Variants in NASP observed in about 807,000 individuals in gnomAD.
NASP encodes NASP histone chaperone.
NASP carries 24 observed loss-of-function variants against 89.5 expected under a neutral mutation model. That is an observed-to-expected ratio of 0.27 (90% CI 0.19 to 0.38). The LOEUF (loss-of-function observed/expected upper bound fraction) is 0.38. NASP is among the 10% of genes least tolerant of loss of function. The pLI, the probability that NASP is intolerant of heterozygous loss-of-function variation, is 1.00. For synonymous variants in NASP, 306 were observed against 324.7 expected, an observed-to-expected ratio of 0.94 and a Z score of 0.62; for missense variants, 848 against 921.4, an observed-to-expected ratio of 0.92 and a Z score of 1.03.
At chr1:45,586,712 T>G (rs773473230) in intron 1 of NASP, among the ~76,000 whole-genome samples, 2 of 152,172 alleles carry the variant, frequency 1.3e-5, no homozygotes, top group African/African-American at 2.4e-5. Flanking sequence ...TATAAGGTCC[T>G]CATGTTTAAG....
At chr1:45,600,809 G>GACAGTTCTAGTTGCCCTACATCCCC (rs1553170852) in intron 2 of NASP, among the ~76,000 whole-genome samples, 2 of 152,156 alleles carry the variant, frequency 1.3e-5, no homozygotes, top group African/African-American at 4.8e-5. Flanking sequence ...AGCAGTGTTT[G>GACAGTTCTAGTTGCCCTACATCCCC]ACAGTTCTAG....
At chr1:45,614,429 G>C in intron 9 of NASP, 63 bp downstream of exon 9, 1 of 1,299,788 alleles carries the variant, frequency 7.7e-7, no homozygotes, top group Non-Finnish European at 1.1e-6. Flanking sequence ...TCCTCTAATA[G>C]ATTCTCTGGA....
chr1:45,607,259 A>T, intron 5 of NASP, 62 bp from the exon 6 acceptor site: 1 of 1,529,202 alleles, frequency 6.5e-7, no homozygotes, highest in Admixed American at 1.9e-5. Flanking sequence ...TTTAGTTTCC[A>T]TTTATGCCTT....
chr1:45,613,816 T>G (rs1386930169), intron 7 of NASP, among the ~76,000 whole-genome samples: 1 of 152,178 alleles, frequency 6.6e-6, no homozygotes, highest in Non-Finnish European at 1.5e-5. Flanking sequence ...GATAACTGTC[T>G]CTTGATTATG....
At chr1:45,615,260 AAC>A (rs748369135) in intron 10 of NASP, 43 bp from the exon 11 acceptor site, 5 of 1,611,720 alleles carry the variant, frequency 3.1e-6, no homozygotes, top group Non-Finnish European at 2.5e-6. Context: ...CAAGGAAGAA[AAC>A]AGTTCTTTTT....
chr1:45,599,673 C>T (rs928378873), intron 2 of NASP, among the ~76,000 whole-genome samples: 1 of 152,066 alleles, frequency 6.6e-6, no homozygotes, highest in Non-Finnish European at 1.5e-5. Flanking sequence ...GTGATCTGCC[C>T]GCCTCAGCCT....
intron 9 of NASP, 23 bp from the exon 10 acceptor site, chr1:45,614,990 G>T: frequency 6.3e-7 from 1 of 1,599,942 alleles, no homozygotes; most frequent in Middle Eastern, 1.7e-4. Flanking sequence ...CCATTTACTT[G>T]CTCTTCTTTT....
At position 45,595,126 on chromosome 1, in the gene NASP, GTT is replaced by G. The variant is rs1208590238; in HGVS notation, c.107+3859_107+3860del. On this transcript the variant is annotated intron_variant, in intron 2 of 14. Coordinates refer to ENST00000350030, the MANE Select transcript of NASP (RefSeq NM_002482.4). ...CTCCTGCCTCAGCCTGCCAGACTAA[GTT>G]TTGTGTGTGTGTGTGTGTGTGTGTG... 1.1e-3 allele frequency among the ~76,000 whole-genome samples: 145 copies of G among 129,578 alleles called. 1 individual carries two copies. Among genetic ancestry groups the G allele is most frequent in the East Asian group, 9.0e-3 (34 of 3,762 alleles). 85.0% of individuals were successfully genotyped at this position (129,578 alleles called of 152,430 possible).
intron 2 of NASP, chr1:45,600,318 A>G (rs561371595): frequency 3.2e-5 from 37 of 1,165,020 alleles, no homozygotes; most frequent in Non-Finnish European, 3.9e-5. Flanking sequence ...CACAATCAAG[A>G]TAATGAGTAT....
Position 45,584,108 on chromosome 1 carries a change from G to C in NASP, c.-39G>C. 1 of 1,554,044 alleles carries C rather than the reference G, an allele frequency of 6.4e-7. No homozygotes were observed. The highest frequency in any genetic ancestry group is 1.2e-5 in the South Asian group (1 of 84,810). On this transcript the variant is annotated 5_prime_UTR_variant, in exon 1 of 15. Coordinates refer to ENST00000350030, the MANE Select transcript of NASP (RefSeq NM_002482.4). ...CCCAAATTGCCTGTTTTTCTCGCAGGCTCTATTCCGTTCGCTGGTTCGCCA... is the reference window on the plus strand; with the variant it reads ...CCCAAATTGCCTGTTTTTCTCGCAGCCTCTATTCCGTTCGCTGGTTCGCCA...
At chr1:45,596,100 T>G (rs1643688065) in intron 2 of NASP, among the ~76,000 whole-genome samples, 3 of 152,220 alleles carry the variant, frequency 2.0e-5, no homozygotes, top group Non-Finnish European at 4.4e-5. Context: ...CTGACAGTAT[T>G]GGGTGCTAGT....
intron 7 of NASP, 72 bp downstream of exon 7, chr1:45,613,320 G>GTTA: frequency 9.3e-6 from 14 of 1,511,704 alleles, no homozygotes; most frequent in Non-Finnish European, 1.2e-5. Flanking sequence ...CACTCTTGTT[G>GTTA]CCTAGGCTGG....
At chr1:45,614,958 A>G (rs1036562966) in intron 9 of NASP, 55 bp from the exon 10 acceptor site, 1 of 1,471,716 alleles carries the variant, frequency 6.8e-7, no homozygotes. Flanking sequence ...GAATTCTGGA[A>G]GTATTTTATG....
intron 12 of NASP, 63 bp from the exon 13 acceptor site, chr1:45,616,563 T>C (rs758200418): frequency 2.8e-5 from 44 of 1,563,678 alleles, no homozygotes; most frequent in Non-Finnish European, 3.6e-5. Flanking sequence ...TAAAAAATTA[T>C]AAAAGCCTCA....
Position 45,586,283 on chromosome 1 carries a change from T to TGTGG in NASP, c.59+2079_59+2080insTGGG, listed in dbSNP as rs1557646474. Among the ~76,000 whole-genome samples, 3 of 85,332 alleles carry TGTGG rather than the reference T, an allele frequency of 3.5e-5. No individual in the cohort carries two copies. The Admixed American group carries it at 3.6e-4, about 10-fold the overall frequency. 56.0% of individuals were successfully genotyped at this position (85,332 alleles called of 152,430 possible). A position where few individuals can be genotyped will look rare whatever the true frequency, so the allele number is the denominator to read the frequency against. On this transcript the variant is annotated intron_variant, in intron 1 of 14. Transcript: ENST00000350030. ...GTGTGTGTGTGTGTGTGTGTGTGTGTGGTGTGTGTGTGTGTGTGTGTGTGT... is the reference window on the plus strand; with the variant it reads ...GTGTGTGTGTGTGTGTGTGTGTGTGTGTGGGGTGTGTGTGTGTGTGTGTGTGTGT...
At chr1:45,596,643 G>C (rs1288983993) in intron 2 of NASP, among the ~76,000 whole-genome samples, 1 of 152,186 alleles carries the variant, frequency 6.6e-6, no homozygotes, top group Non-Finnish European at 1.5e-5. Context: ...TAATGTACCA[G>C]TATGAGAAGT....
rs74227034 is a variant in NASP at position 45,606,890 on chromosome 1, G to A, written c.409+299G>A. 3.6e-3 allele frequency among the ~76,000 whole-genome samples: 544 copies of A among 152,294 alleles called. 7 individuals carry two copies. The highest frequency in any genetic ancestry group is 0.035 in the East Asian group (183 of 5,190). On this transcript the variant is annotated intron_variant, in intron 5 of 14. Transcript: ENST00000350030. Reference sequence around the variant, plus strand: ...TTTAAATACTATTACAACCTTAAGTGTTTTTCTGATGCAAATTTTTTTAAA... The same window carrying A: ...TTTAAATACTATTACAACCTTAAGTATTTTTCTGATGCAAATTTTTTTAAA...
chr1:45,599,226 TCAAA>T (rs1214093613), intron 2 of NASP, among the ~76,000 whole-genome samples: 2 of 152,136 alleles, frequency 1.3e-5, no homozygotes, highest in Middle Eastern at 3.2e-3. Flanking sequence ...ATTCCTGGGC[TCAAA>T]CAGTCTTCCT....
At chr1:45,600,340 C>CA (rs1643809746) in intron 2 of NASP, 1 of 1,240,894 alleles carries the variant, frequency 8.1e-7, no homozygotes, top group African/African-American at 1.6e-5. Flanking sequence ...TTCATCACCT[C>CA]AAAGTTTTTT....
Sources: allele counts gnomAD v4.1 joint callset (sites outside exome capture counted in the v4.1 genomes callset), GRCh38; gene constraint gnomAD v4.1.1; transcripts MANE v1.5; gene names NCBI Gene and HGNC (gene_info 2026-07-23, HGNC 2026-07-21).